TRIM54: variants seen among roughly 807,000 people sequenced by gnomAD.
TRIM54 encodes tripartite motif-containing protein 54.
In TRIM54, 40 loss-of-function variants were observed where a neutral mutation model predicts 42.0. That is an observed-to-expected ratio of 0.95 (90% confidence interval 0.74 to 1.24). The LOEUF is 1.24. Ranked by LOEUF, TRIM54 falls within the 50% of genes most tolerant of loss-of-function variation. The probability of loss-of-function intolerance (pLI) is 0.00; values close to 1 mark genes in which losing one functional copy is unlikely to be tolerated. For synonymous variants in TRIM54, 199 were observed against 194.9 expected (o/e 1.02, Z -0.17); for missense variants, 485 against 480.3 (o/e 1.01, Z -0.09).
In TRIM54 at chr2:27,282,627, G is replaced by A; in HGVS notation, c.-105G>A. 2.4e-6 allele frequency: 3 copies of A among 1,273,424 alleles called. No individual in the cohort carries two copies. Among genetic ancestry groups the A allele is most frequent in the Non-Finnish European group, 3.2e-6 (3 of 929,522 alleles). 78.9% of individuals were successfully genotyped at this position (1,273,424 alleles called of 1,614,324 possible). A position where few individuals can be genotyped will look rare whatever the true frequency, so the allele number is the denominator to read the frequency against. Reference sequence around the variant, plus strand: ...GAGAGAAAGCAGAGCTATTTCAAGAGTGAGCCACAGAAGGGAATCCAGAGG... The same window carrying A: ...GAGAGAAAGCAGAGCTATTTCAAGAATGAGCCACAGAAGGGAATCCAGAGG... On this transcript the variant is annotated 5_prime_UTR_variant, in exon 1 of 9. The change creates a new upstream start codon in the 5' untranslated region. Transcript: ENST00000380075.
chr2:27,299,128 C>A, intron 2 of TRIM54, 117 bp from the exon 3 acceptor site: 1 of 1,208,476 alleles, frequency 8.3e-7, no homozygotes, highest in Non-Finnish European at 1.2e-6. Flanking sequence ...ACCAGTTCAG[C>A]CACAGCACTA....
intron 1 of TRIM54, among the ~76,000 whole-genome samples, chr2:27,283,221 T>C (rs1678437440): frequency 6.6e-6 from 1 of 152,192 alleles, no homozygotes; most frequent in African/African-American, 2.4e-5. Flanking sequence ...TGTGCCAGAC[T>C]CTGCATTCCA....
rs1234422298 is a variant in TRIM54, at chr2:27,306,052, A to T, written c.844-28A>T. ...CTTTGCCCAGGTTGGCCCAGTGCTT[A>T]CTCTCACCCTCCTTTTCTTCCCTGC... On this transcript the variant is annotated intron_variant, in intron 5 of 8. Transcript: ENST00000380075. This position sits in a 1 kb window ranked among gnomAD's most constrained non-coding sequence, Gnocchi z 6.1. 1 of 1,613,200 alleles carries T rather than the reference A, an allele frequency of 6.2e-7. No individual in the cohort carries two copies. The highest frequency in any genetic ancestry group is 1.7e-5 in the Admixed American group (1 of 59,946).
chr2:27,293,679 T>G (rs1212934955), intron 1 of TRIM54, among the ~76,000 whole-genome samples: 1 of 152,172 alleles, frequency 6.6e-6, no homozygotes, highest in Non-Finnish European at 1.5e-5. Context: ...CTGTGAAGGT[T>G]TGAGGTTTGT....
In TRIM54 at chr2:27,307,293, C is replaced by T. The variant is rs986431210; in HGVS notation, c.*408C>T. On this transcript the variant is annotated 3_prime_UTR_variant, in exon 9 of 9. Transcript: ENST00000380075. This position sits in a 1 kb window ranked among gnomAD's most constrained non-coding sequence, Gnocchi z 6.9. ...CTGACCTGGCTGAAAGCCGCTGTCT[C>T]GGAGCCCCCCACAGCATTTTGTTCC... 4 of 692,792 alleles carry T rather than the reference C, an allele frequency of 5.8e-6. No individual in the cohort carries two copies. The highest frequency in any genetic ancestry group is 1.9e-5 in the African/African-American group (1 of 53,858). The allele number at this position is 692,792 out of a possible 1,614,324, so 42.9% of individuals were successfully genotyped here. A position where few individuals can be genotyped will look rare whatever the true frequency, so the allele number is the denominator to read the frequency against.
chr2:27,293,399 G>T (rs1328860375), intron 1 of TRIM54, among the ~76,000 whole-genome samples: 7 of 152,152 alleles, frequency 4.6e-5, no homozygotes, highest in Non-Finnish European at 7.4e-5. Flanking sequence ...CAATTTGGTT[G>T]TGTTGTCTTG....
At chr2:27,291,448 GT>G (rs59126752) in intron 1 of TRIM54, among the ~76,000 whole-genome samples, 2 of 152,134 alleles carry the variant, frequency 1.3e-5, no homozygotes, top group African/African-American at 4.8e-5. Context: ...AAAATTGTCA[GT>G]TTTTTGTGGA....
At chr2:27,284,163 T>C (rs1678492664) in intron 1 of TRIM54, among the ~76,000 whole-genome samples, 1 of 152,094 alleles carries the variant, frequency 6.6e-6, no homozygotes, top group African/African-American at 2.4e-5. Context: ...AAACCCCGAA[T>C]AGACCAGAGC....
In TRIM54 at chr2:27,282,574, G is replaced by T. The variant is rs912218225; in HGVS notation, c.-158G>T. On this transcript the variant is annotated 5_prime_UTR_variant, in exon 1 of 9. Transcript: ENST00000380075. ...AGAGACTGTCCGAAGACTGCTATCT[G>T]GGACGAGACAAGTTGTTAAAGGGAC... 1.2e-5 allele frequency: 9 copies of T among 736,016 alleles called. No homozygotes were observed. Among genetic ancestry groups the T allele is most frequent in the Admixed American group, 5.9e-5 (2 of 34,158 alleles). 45.6% of individuals were successfully genotyped at this position (736,016 alleles called of 1,614,324 possible).
rs139029613 is a variant in TRIM54, at chr2:27,304,802, G to A, written c.514-157G>A. 770 of 560,204 alleles carry A rather than the reference G, an allele frequency of 1.4e-3. 3 individuals carry two copies. Among genetic ancestry groups the A allele is most frequent in the African/African-American group, 9.8e-3 (527 of 53,800 alleles). 34.7% of individuals were successfully genotyped at this position (560,204 alleles called of 1,614,324 possible). On this transcript the variant is annotated intron_variant, in intron 3 of 8. Coordinates refer to ENST00000380075, the MANE Select transcript of TRIM54 (RefSeq NM_187841.3). The stretch of plus-strand genomic sequence containing the variant: ...TCCAGAATCACTAGAATGTGCTTCC[G>A]TACCTCTTGATGGTTCAAGCCTTCT...
intron 1 of TRIM54, among the ~76,000 whole-genome samples, chr2:27,291,836 T>C (rs1047637720): frequency 1.3e-5 from 2 of 152,046 alleles, no homozygotes; most frequent in African/African-American, 4.8e-5. Flanking sequence ...CAGGAGAAAT[T>C]GGACTTGTGA....
chr2:27,287,446 A>G (rs1414718397), intron 1 of TRIM54, among the ~76,000 whole-genome samples: 1 of 151,742 alleles, frequency 6.6e-6, no homozygotes, highest in East Asian at 1.9e-4. Flanking sequence ...GACTCAAAGG[A>G]TCCTCCCACC....
intron 2 of TRIM54, 30 bp from the exon 3 acceptor site, chr2:27,299,215 G>T: frequency 6.2e-7 from 1 of 1,611,258 alleles, no homozygotes. Flanking sequence ...CATGCTTAAG[G>T]TCCACCTCCC....
chr2:27,294,920 C>CA (rs1294747281), intron 1 of TRIM54, among the ~76,000 whole-genome samples: 1 of 149,268 alleles, frequency 6.7e-6, no homozygotes, highest in African/African-American at 2.5e-5. Context: ...AGAGTATTAC[C>CA]TACTTCAGGG....
rs948387219 is a variant in TRIM54, at chr2:27,305,332, T to C, written c.610-252T>C. ...GATACACCAGCTACCTCATGGGTTC[T>C]TTTTGAGAATTAAATGGAATAATGC... On this transcript the variant is annotated intron_variant, in intron 4 of 8. Transcript: ENST00000380075. 10 of 584,900 alleles carry C rather than the reference T, an allele frequency of 1.7e-5. No individual in the cohort carries two copies. The Admixed American group carries it at 3.0e-4, about 18-fold the overall frequency. The allele number at this position is 584,900 out of a possible 1,614,324, so 36.2% of individuals were successfully genotyped here.
chr2:27,291,151 T>C (rs1678708085), intron 1 of TRIM54, among the ~76,000 whole-genome samples: 1 of 152,202 alleles, frequency 6.6e-6, no homozygotes, highest in African/African-American at 2.4e-5. Flanking sequence ...TTCAGGAGTT[T>C]GAGAGCAGCC....
At position 27,305,759 on chromosome 2, in the gene TRIM54, A is replaced by G; in HGVS notation, c.785A>G (p.Lys262Arg). The change falls in exon 5 of 9, where the codon AAG (lysine) becomes AGG (arginine). Residue 262 changes from lysine (K) to arginine (R), a missense_variant. Transcript: ENST00000380075. ...QYGDHLEASS[K>R]LVESAIQSME... ...GGCGACCACCTGGAGGCCTCCTCTAAGCTGGTGGAGTCTGCCATCCAGTCC... is the reference window on the plus strand; with the variant it reads ...GGCGACCACCTGGAGGCCTCCTCTAGGCTGGTGGAGTCTGCCATCCAGTCC... 1.2e-6 allele frequency: 2 copies of G among 1,611,594 alleles called. No individual in the cohort carries two copies. Among genetic ancestry groups the G allele is most frequent in the South Asian group, 1.1e-5 (1 of 90,572 alleles).
intron 3 of TRIM54, among the ~76,000 whole-genome samples, chr2:27,303,548 T>TAA (rs776985705): frequency 7.2e-6 from 1 of 138,888 alleles, no homozygotes; most frequent in African/African-American, 2.6e-5. Flanking sequence ...AGACTCCGTC[T>TAA]AAAAAAAAAA....
At chr2:27,300,615 CTAA>C (rs999901648) in intron 3 of TRIM54, among the ~76,000 whole-genome samples, 2 of 145,060 alleles carry the variant, frequency 1.4e-5, no homozygotes, top group African/African-American at 5.6e-5. Flanking sequence ...AGTAGTAGTA[CTAA>C]TAATACTTTA....
Sources: allele counts gnomAD v4.1 joint callset (sites outside exome capture counted in the v4.1 genomes callset), GRCh38; gene constraint gnomAD v4.1.1; non-coding constraint Gnocchi (gnomAD v3.1); transcripts MANE v1.5; gene names NCBI Gene and HGNC (gene_info 2026-07-23, HGNC 2026-07-21).